ITGAV: variants seen among roughly 807,000 people sequenced by gnomAD.
ITGAV encodes integrin alpha-V.
In ITGAV, 76 loss-of-function variants were observed where a neutral mutation model predicts 143.8. The observed-to-expected ratio is 0.53, with a 90% confidence interval of 0.44 to 0.64. ITGAV has a LOEUF of 0.64. Among genes scored for constraint, ITGAV ranks in the 30% least tolerant of loss-of-function variants. The probability of loss-of-function intolerance (pLI) is 0.00; values close to 1 mark genes in which losing one functional copy is unlikely to be tolerated. For missense variants in ITGAV, 1,193 were observed against 1,274.7 expected, an observed-to-expected ratio of 0.94 and a Z score of 0.98; for synonymous variants, 453 against 446.7, an observed-to-expected ratio of 1.01 and a Z score of -0.18.
At chr2:186,596,605 G>A (rs1302528516) in intron 1 of ITGAV, among the ~76,000 whole-genome samples, 4 of 151,982 alleles carry the variant, frequency 2.6e-5, no homozygotes, top group Admixed American at 6.5e-5. Context: ...CACCATGTTG[G>A]CCAGGCTGGT....
At chr2:186,668,702 G>A (rs1171111239) in intron 24 of ITGAV, 60 bp from the exon 25 acceptor site, 1 of 1,450,226 alleles carries the variant, frequency 6.9e-7, no homozygotes, top group Non-Finnish European at 9.5e-7. Flanking sequence ...TGATGTAGGG[G>A]AAGGATTATG....
chr2:186,625,814 G>A lies in ITGAV; in HGVS notation c.523+227G>A, dbSNP rs567955740. On this transcript the variant is annotated intron_variant, in intron 4 of 29. Transcript: ENST00000261023. ...TAAGAACTCATTTTCATCTTCCTTC[G>A]TTAGTATAATAATAGTTACTACCTG... 8.9e-4 allele frequency among the ~76,000 whole-genome samples: 135 copies of A among 152,046 alleles called. 1 individual carries two copies. The highest frequency in any genetic ancestry group is 3.0e-3 in the African/African-American group (126 of 41,450).
chr2:186,633,147 A>G (rs555838465), intron 5 of ITGAV, among the ~76,000 whole-genome samples, 182 bp from the exon 6 acceptor site: 3 of 152,028 alleles, frequency 2.0e-5, no homozygotes, highest in African/African-American at 7.2e-5. Flanking sequence ...TCTACAAAAA[A>G]AAAAAAAAGT....
intron 12 of ITGAV, among the ~76,000 whole-genome samples, chr2:186,643,381 T>TA (rs1228727476): frequency 6.6e-6 from 1 of 152,226 alleles, no homozygotes; most frequent in Non-Finnish European, 1.5e-5. Context: ...CCTTGGGTCT[T>TA]ACTGTAGCAA....
In ITGAV at chr2:186,675,871, G is replaced by A; in HGVS notation, c.2872G>A (p.Val958Ile). Reference sequence around the variant, plus strand: ...TCTGAAGTCGTCTGCTTCATTTAATGTCATAGAGTTTCCTTATAAGAATCT... The same window carrying A: ...TCTGAAGTCGTCTGCTTCATTTAATATCATAGAGTTTCCTTATAAGAATCT... Reference protein sequence around the residue: ...YSLKSSASFNVIEFPYKNLPI... With the variant: ...YSLKSSASFNIIEFPYKNLPI... The change falls in exon 28 of 30, where the codon GTC (valine) becomes ATC (isoleucine). Residue 958 changes from valine (V) to isoleucine (I), a missense_variant. By Grantham distance (29) the Val-to-Ile change is conservative. Coordinates refer to ENST00000261023, the MANE Select transcript of ITGAV (RefSeq NM_002210.5). The A allele has an allele frequency of 6.2e-7, 1 of 1,610,738 alleles. No homozygotes were observed. The highest frequency in any genetic ancestry group is 8.5e-7 in the Non-Finnish European group (1 of 1,177,470).
At chr2:186,656,640 T>A (rs1688595529) in intron 17 of ITGAV, among the ~76,000 whole-genome samples, 1 of 152,104 alleles carries the variant, frequency 6.6e-6, no homozygotes, top group Admixed American at 6.6e-5. Flanking sequence ...ATAAACATAT[T>A]TCTTAAATGC....
chr2:186,676,988 A>G, intron 29 of ITGAV, 53 bp downstream of exon 29: 1 of 1,564,694 alleles, frequency 6.4e-7, no homozygotes, highest in South Asian at 1.1e-5. Context: ...GAAAAGGGAA[A>G]GGGAAGAAGG....
At chr2:186,655,518 A>C (rs1388263150) in intron 16 of ITGAV, among the ~76,000 whole-genome samples, 3 of 152,240 alleles carry the variant, frequency 2.0e-5, no homozygotes, top group African/African-American at 2.4e-5. Context: ...AATATGGCCT[A>C]GTAGAACAGA....
chr2:186,646,896 A>G lies in ITGAV; in HGVS notation c.1351+19A>G. 6.6e-7 allele frequency: 1 copy of G among 1,522,510 alleles called. No individual in the cohort carries two copies. Among genetic ancestry groups the G allele is most frequent in the Non-Finnish European group, 8.9e-7 (1 of 1,124,858 alleles). 94.3% of individuals were successfully genotyped at this position (1,522,510 alleles called of 1,614,324 possible). On this transcript the variant is annotated intron_variant, in intron 13 of 29. Coordinates refer to ENST00000261023, the MANE Select transcript of ITGAV (RefSeq NM_002210.5). ...TATCCAGGTGCTTTCTTATCAACAC[A>G]TAGAGCCCTTAGATTTTTCAGTCCT...
At chr2:186,607,558 A>G (rs955794156) in intron 2 of ITGAV, among the ~76,000 whole-genome samples, 17 of 152,246 alleles carry the variant, frequency 1.1e-4, no homozygotes, top group African/African-American at 4.1e-4. Flanking sequence ...CATAAAGCTT[A>G]GACTCTTACT....
chr2:186,599,511 G>A (rs1254069613), intron 1 of ITGAV, among the ~76,000 whole-genome samples: 1 of 152,038 alleles, frequency 6.6e-6, no homozygotes, highest in Non-Finnish European at 1.5e-5. Context: ...CTTGAGACAG[G>A]GACTCATTGT....
At chr2:186,597,514 G>C (rs896840930) in intron 1 of ITGAV, among the ~76,000 whole-genome samples, 1 of 152,182 alleles carries the variant, frequency 6.6e-6, no homozygotes, top group Non-Finnish European at 1.5e-5. Flanking sequence ...TTCTTATAAT[G>C]TGGCAGGTGC....
chr2:186,666,999 C>G (rs1688916302), intron 22 of ITGAV, 151 bp from the exon 23 acceptor site: 1 of 531,470 alleles, frequency 1.9e-6, no homozygotes, highest in Non-Finnish European at 3.1e-6. Flanking sequence ...TGTTCATCTT[C>G]TTGGAATTAA....
At chr2:186,622,561 G>A (rs1687559460) in intron 3 of ITGAV, 131 bp downstream of exon 3, 2 of 629,088 alleles carry the variant, frequency 3.2e-6, no homozygotes, top group East Asian at 5.6e-5. Context: ...ACATAAGATA[G>A]CTCTGATCAA....
chr2:186,632,970 T>C (rs1203980336), intron 5 of ITGAV, among the ~76,000 whole-genome samples: 1 of 150,686 alleles, frequency 6.6e-6, no homozygotes, highest in East Asian at 2.0e-4. Context: ...CTTTGTTTGC[T>C]TTAATATATA....
intron 24 of ITGAV, 32 bp downstream of exon 24, chr2:186,667,808 G>A (rs773584350): frequency 9.2e-6 from 13 of 1,406,840 alleles, no homozygotes; most frequent in African/African-American, 5.7e-5. Context: ...CTCAAACCTC[G>A]TGAGCAAGCC....
intron 16 of ITGAV, among the ~76,000 whole-genome samples, chr2:186,655,351 A>G (rs190422196): frequency 3.2e-3 from 490 of 152,310 alleles, no homozygotes; most frequent in Non-Finnish European, 5.4e-3. Flanking sequence ...AGGGCAGCCA[A>G]GTAAGGTCTC....
intron 11 of ITGAV, 147 bp downstream of exon 11, chr2:186,641,114 A>G (rs1352667391): frequency 6.9e-6 from 5 of 722,202 alleles, no homozygotes; most frequent in Middle Eastern, 3.8e-4. Flanking sequence ...AACCTTAATC[A>G]TGAATTCTAG....
chr2:186,608,121 G>T (rs570390674), intron 2 of ITGAV, among the ~76,000 whole-genome samples: 5 of 152,290 alleles, frequency 3.3e-5, no homozygotes, highest in Non-Finnish European at 5.9e-5. Context: ...TGGACAGCTG[G>T]GTGGACAGTT....
Sources: gnomAD v4.1 joint callset for allele counts (sites outside exome capture counted in the v4.1 genomes callset) on GRCh38, gnomAD v4.1.1 for gene constraint, MANE v1.5 for transcripts, NCBI Gene and HGNC (gene_info 2026-07-23, HGNC 2026-07-21) for gene names.